SBF2: variants seen among roughly 807,000 people sequenced by gnomAD.
SBF2 encodes myotubularin-related protein 13.
Under a neutral mutation model 225.2 loss-of-function variants are expected in SBF2, and 112 were observed. That is an observed-to-expected ratio of 0.50 (90% CI 0.43 to 0.58). The LOEUF is 0.58. Among genes scored for constraint, SBF2 ranks in the 20% least tolerant of loss-of-function variants. SBF2 has a pLI of 0.00. For synonymous variants in SBF2, 763 were observed against 773.3 expected (o/e 0.99, Z 0.22); for missense variants, 1,996 against 2,206.2 (o/e 0.90, Z 1.91).
At chr11:10,002,715 C>G (rs371138368) in intron 6 of SBF2, 26 bp from the exon 7 acceptor site, 31 of 1,608,090 alleles carry the variant, frequency 1.9e-5, no homozygotes, top group Non-Finnish European at 2.6e-5. Context: ...CAAGGACTTA[C>G]AAATGCATTT....
At chr11:9,954,851 A>G (rs1054569854) in intron 16 of SBF2, among the ~76,000 whole-genome samples, 2 of 152,140 alleles carry the variant, frequency 1.3e-5, no homozygotes, top group Non-Finnish European at 2.9e-5. Context: ...TCTTCAGCTA[A>G]TAAACAGCAC....
chr11:10,113,160 A>G (rs949062754), intron 2 of SBF2, among the ~76,000 whole-genome samples: 2 of 151,644 alleles, frequency 1.3e-5, no homozygotes, highest in Non-Finnish European at 2.9e-5. Flanking sequence ...CATCTGGCTG[A>G]TTTTTTAATT....
At chr11:10,026,259 T>G (rs748358380) in intron 6 of SBF2, among the ~76,000 whole-genome samples, 2 of 152,200 alleles carry the variant, frequency 1.3e-5, no homozygotes, top group Non-Finnish European at 2.9e-5. Flanking sequence ...AATAATTTCA[T>G]TTGTGTCATA....
rs780488228 is a variant in SBF2 at position 9,845,549 on chromosome 11, T to C, written c.3110+16A>G. 1.9e-6 allele frequency: 3 copies of C among 1,610,726 alleles called. No individual in the cohort carries two copies. The highest frequency in any genetic ancestry group is 1.3e-5 in the African/African-American group (1 of 74,986). ...TACGGGAGGGCTGAAATTAACAGACTTGTCTTTCTTCTTACCGAAAAGAAG... is the reference window on the plus strand; with the variant it reads ...TACGGGAGGGCTGAAATTAACAGACCTGTCTTTCTTCTTACCGAAAAGAAG... On this transcript the variant is annotated intron_variant, in intron 24 of 39. Coordinates refer to ENST00000256190, the MANE Select transcript of SBF2 (RefSeq NM_030962.4).
chr11:10,234,976 T>C (rs1463411372), intron 1 of SBF2, among the ~76,000 whole-genome samples: 2 of 152,178 alleles, frequency 1.3e-5, no homozygotes, highest in African/African-American at 2.4e-5. Flanking sequence ...ATTAGTTACA[T>C]GGCACTTCCT....
At chr11:10,093,462 T>C (rs1181656681) in intron 2 of SBF2, among the ~76,000 whole-genome samples, 2 of 152,134 alleles carry the variant, frequency 1.3e-5, no homozygotes, top group African/African-American at 4.8e-5. Context: ...AATTTTATAT[T>C]ACCTCTGTAA....
chr11:9,824,517 C>T (rs184320611), intron 28 of SBF2, among the ~76,000 whole-genome samples: 3 of 149,630 alleles, frequency 2.0e-5, no homozygotes, highest in East Asian at 2.0e-4. Flanking sequence ...AGATCAAGAT[C>T]GCTCCACTGC....
chr11:10,247,545 T>C (rs1457702853), intron 1 of SBF2, among the ~76,000 whole-genome samples: 13 of 140,422 alleles, frequency 9.3e-5, no homozygotes. Flanking sequence ...AAAAAAAAAA[T>C]TAGCCAGGCG....
chr11:9,984,886 G>T (rs1453703649), intron 13 of SBF2, among the ~76,000 whole-genome samples: 1 of 152,128 alleles, frequency 6.6e-6, no homozygotes, highest in Non-Finnish European at 1.5e-5. Flanking sequence ...AATGCTGAAA[G>T]AATTTGCCAT....
intron 32 of SBF2, among the ~76,000 whole-genome samples, chr11:9,798,145 A>G (rs1853247366): frequency 6.6e-6 from 1 of 152,154 alleles, no homozygotes; most frequent in African/African-American, 2.4e-5. Flanking sequence ...ATGTCCCTTA[A>G]TACAGCAATT....
At chr11:10,251,321 A>C (rs1468568199) in intron 1 of SBF2, among the ~76,000 whole-genome samples, 1 of 152,226 alleles carries the variant, frequency 6.6e-6, no homozygotes, top group South Asian at 2.1e-4. Flanking sequence ...AGAATAAAAG[A>C]GGCAATAATA....
chr11:9,898,287 A>G (rs893764999), intron 16 of SBF2, among the ~76,000 whole-genome samples: 3 of 152,192 alleles, frequency 2.0e-5, no homozygotes, highest in Non-Finnish European at 4.4e-5. Context: ...ATCAGCTAAA[A>G]GAGTTTTCAA....
intron 14 of SBF2, among the ~76,000 whole-genome samples, chr11:9,965,704 C>T (rs2403229): frequency 2.0e-5 from 3 of 152,080 alleles, no homozygotes; most frequent in Admixed American, 2.0e-4. Context: ...CATAATTATG[C>T]TTTATTAGGA....
intron 4 of SBF2, among the ~76,000 whole-genome samples, chr11:10,030,387 T>C (rs1949209589): frequency 6.6e-6 from 1 of 152,198 alleles, no homozygotes; most frequent in Non-Finnish European, 1.5e-5. Flanking sequence ...TTTATGAATC[T>C]TTCAGTATAG....
chr11:10,267,300 A>G (rs185535789), intron 1 of SBF2, among the ~76,000 whole-genome samples: 72 of 151,754 alleles, frequency 4.7e-4, no homozygotes, highest in African/African-American at 1.7e-3. Context: ...TAAAGAAATA[A>G]GTTTCTATAT....
At chr11:10,104,853 T>G (rs1251848454) in intron 2 of SBF2, among the ~76,000 whole-genome samples, 1 of 152,230 alleles carries the variant, frequency 6.6e-6, no homozygotes, top group African/African-American at 2.4e-5. Flanking sequence ...GAGCATCTCA[T>G]GCTATCGTTT....
chr11:9,908,297 T>C (rs1478275361), intron 16 of SBF2, among the ~76,000 whole-genome samples: 1 of 152,214 alleles, frequency 6.6e-6, no homozygotes, highest in Non-Finnish European at 1.5e-5. Context: ...TTCTAAAATA[T>C]ACCTAACAGG....
rs1344093861 is a variant in SBF2, at chr11:9,847,078, C to T, written c.2812G>A (p.Glu938Lys). 1 of 1,613,740 alleles carries T rather than the reference C, an allele frequency of 6.2e-7. No individual in the cohort carries two copies. Among genetic ancestry groups the T allele is most frequent in the Admixed American group, 1.7e-5 (1 of 59,992 alleles). Residue 938 changes from glutamate (E) to lysine (K), a missense_variant, in exon 23 of 40, where the codon GAG becomes AAG. Transcript: ENST00000256190. ...RGTPHDQLVG[E>K]QTVVRSFPIA... ...GGAAAGCTCCGCACAACTGTCTGCTCACCCACTGTAAATAGACAGGACACA... is the reference window on the plus strand; with the variant it reads ...GGAAAGCTCCGCACAACTGTCTGCTTACCCACTGTAAATAGACAGGACACA...
At chr11:9,987,212 C>A (rs1365138307) in intron 13 of SBF2, among the ~76,000 whole-genome samples, 1 of 152,080 alleles carries the variant, frequency 6.6e-6, no homozygotes, top group Non-Finnish European at 1.5e-5. Flanking sequence ...AAGCACTGGA[C>A]AAAATTTAGC....
Sources: allele counts gnomAD v4.1 joint callset (sites outside exome capture counted in the v4.1 genomes callset), GRCh38; gene constraint gnomAD v4.1.1; transcripts MANE v1.5; gene names NCBI Gene and HGNC (gene_info 2026-07-23, HGNC 2026-07-21).